The following PTBP3 variants were observed in gnomAD, a reference collection of about 807,000 sequenced individuals.
The protein encoded by PTBP3 is polypyrimidine tract binding protein 3.
Under a neutral mutation model 58.7 loss-of-function variants are expected in PTBP3, and 20 were observed. The ratio of observed to expected loss-of-function variants is 0.34; its 90% confidence interval spans 0.24 to 0.50. PTBP3 has a LOEUF of 0.50. Ranked by LOEUF, PTBP3 falls within the 20% of genes least tolerant of loss-of-function variation. The probability of loss-of-function intolerance (pLI) is 0.98; values close to 1 mark genes in which losing one functional copy is unlikely to be tolerated. For synonymous variants in PTBP3, 185 were observed against 219.8 expected, an observed-to-expected ratio of 0.84 and a Z score of 1.40; for missense variants, 509 against 637.2, an observed-to-expected ratio of 0.80 and a Z score of 2.17.
At chr9:112,374,088 G>A in the PTBP3 span, among the ~76,000 whole-genome samples, 9 of 152,028 alleles carry the variant, frequency 5.9e-5, no homozygotes, top group Admixed American at 2.6e-4. Flanking sequence ...CCTTAACCAC[G>A]GGGTATGGTA....
At chr9:112,378,293 G>C in the PTBP3 span, among the ~76,000 whole-genome samples, 2 of 152,234 alleles carry the variant, frequency 1.3e-5, no homozygotes, top group African/African-American at 4.8e-5. Flanking sequence ...TTTGCCTTCT[G>C]TGAAAGCCAT....
intron 6 of PTBP3, among the ~76,000 whole-genome samples, chr9:112,251,556 T>C (rs1411169757): frequency 6.6e-6 from 1 of 152,190 alleles, no homozygotes; most frequent in Non-Finnish European, 1.5e-5. Context: ...AAATGGTACT[T>C]GTCAGAGCCA....
At chr9:112,304,102 G>A (rs1024213886) in intron 1 of PTBP3, among the ~76,000 whole-genome samples, 1 of 152,100 alleles carries the variant, frequency 6.6e-6, no homozygotes, top group African/African-American at 2.4e-5. Context: ...AGGAGGCAGA[G>A]GTTGCAGTGA....
intron 7 of PTBP3, among the ~76,000 whole-genome samples, chr9:112,235,295 C>T (rs780049471): frequency 5.3e-5 from 8 of 151,938 alleles, no homozygotes; most frequent in Non-Finnish European, 1.0e-4. Context: ...ACTAAAAGTA[C>T]GAATTATAGG....
chr9:112,346,004 C>T, the PTBP3 span, among the ~76,000 whole-genome samples: 114 of 151,424 alleles, frequency 7.5e-4, no homozygotes, highest in African/African-American at 2.6e-3. Flanking sequence ...TATAGGTGCC[C>T]GCCATCATGC....
chr9:112,270,763 C>A (rs928345864), intron 3 of PTBP3, among the ~76,000 whole-genome samples: 2 of 152,138 alleles, frequency 1.3e-5, no homozygotes, highest in Non-Finnish European at 2.9e-5. Flanking sequence ...CCACCAACTG[C>A]CCCCAACTCA....
intron 7 of PTBP3, among the ~76,000 whole-genome samples, chr9:112,250,262 C>T (rs1305285578): frequency 3.9e-5 from 6 of 152,092 alleles, no homozygotes; most frequent in African/African-American, 1.4e-4. Context: ...ATAAACCACA[C>T]TTTTGAGAAC....
intron 6 of PTBP3, among the ~76,000 whole-genome samples, chr9:112,251,930 T>C (rs558062280): frequency 6.6e-6 from 1 of 152,248 alleles, no homozygotes; most frequent in South Asian, 2.1e-4. Flanking sequence ...TGCCAGACAC[T>C]GTGTGGTACA....
chr9:112,227,694 C>T (rs1014054569), intron 11 of PTBP3, 67 bp from the exon 12 acceptor site: 14 of 1,155,486 alleles, frequency 1.2e-5, no homozygotes, highest in African/African-American at 9.2e-5. Flanking sequence ...TATCTGACAA[C>T]ATTACCATAA....
intron 1 of PTBP3, among the ~76,000 whole-genome samples, chr9:112,313,651 T>C (rs181454041): frequency 7.0e-4 from 107 of 152,296 alleles, no homozygotes; most frequent in African/African-American, 2.4e-3. Context: ...ACTCAGTTTG[T>C]ACATGGGCCT....
intron 7 of PTBP3, among the ~76,000 whole-genome samples, chr9:112,235,226 G>A (rs530073991): frequency 1.3e-5 from 2 of 152,168 alleles, no homozygotes; most frequent in African/African-American, 4.8e-5. Context: ...TATCTGTGGG[G>A]TAACTATGCT....
chr9:112,332,815 A>G, intron 1 of PTBP3: 1 of 1,612,456 alleles, frequency 6.2e-7, no homozygotes, highest in Non-Finnish European at 8.5e-7. Flanking sequence ...TTTCTTGGGG[A>G]GAGAGAAAGG....
intron 2 of PTBP3, among the ~76,000 whole-genome samples, chr9:112,278,707 A>C (rs1049414195): frequency 1.3e-5 from 2 of 152,348 alleles, no homozygotes; most frequent in East Asian, 3.9e-4. Flanking sequence ...GGCTATGTTA[A>C]GAGCGCAGAG....
At chr9:112,350,369 A>C in the PTBP3 span, among the ~76,000 whole-genome samples, 1 of 152,216 alleles carries the variant, frequency 6.6e-6, no homozygotes, top group African/African-American at 2.4e-5. Context: ...AAAAGATTTT[A>C]AAATTTTTAA....
chr9:112,238,921 G>A (rs1835536776), intron 7 of PTBP3, among the ~76,000 whole-genome samples: 1 of 152,102 alleles, frequency 6.6e-6, no homozygotes, highest in Non-Finnish European at 1.5e-5. Context: ...AGGATCCTCA[G>A]GCAGAATATA....
At chr9:112,356,362 C>T in the PTBP3 span, among the ~76,000 whole-genome samples, 1 of 152,116 alleles carries the variant, frequency 6.6e-6, no homozygotes, top group Non-Finnish European at 1.5e-5. Flanking sequence ...GGTCATGTGG[C>T]CATCCCTGGC....
At chr9:112,317,686 C>T (rs1401897552) in intron 1 of PTBP3, among the ~76,000 whole-genome samples, 1 of 152,134 alleles carries the variant, frequency 6.6e-6, no homozygotes, top group Admixed American at 6.5e-5. Context: ...CAGTGGCTCA[C>T]GCTTGTAATC....
the PTBP3 span, among the ~76,000 whole-genome samples, chr9:112,375,244 T>C: frequency 6.6e-6 from 1 of 152,214 alleles, no homozygotes; most frequent in East Asian, 1.9e-4. Flanking sequence ...CAAATTTTAT[T>C]GTCACCAATT....
At chr9:112,256,099 C>T (rs1331009765) in intron 5 of PTBP3, among the ~76,000 whole-genome samples, 2 of 151,338 alleles carry the variant, frequency 1.3e-5, no homozygotes, top group African/African-American at 2.4e-5. Context: ...ACTAAAAATA[C>T]AAAAATTAGC....
Sources: allele counts gnomAD v4.1 joint callset (sites outside exome capture counted in the v4.1 genomes callset), GRCh38; gene constraint gnomAD v4.1.1; transcripts MANE v1.5; gene names NCBI Gene and HGNC (gene_info 2026-07-23, HGNC 2026-07-21).